SNX2: variants seen among roughly 807,000 people sequenced by gnomAD.
SNX2 encodes the protein sorting nexin-2.
A neutral mutation model predicts 69.9 loss-of-function variants in SNX2; 25 were observed. The ratio of observed to expected loss-of-function variants is 0.36; its 90% CI spans 0.26 to 0.50. The LOEUF is 0.50. SNX2 is among the 20% of genes least tolerant of loss of function. The probability of loss-of-function intolerance (pLI) is 0.97; values close to 1 mark genes in which losing one functional copy is unlikely to be tolerated. For synonymous variants in SNX2, 229 were observed against 200.4 expected, an observed-to-expected ratio of 1.14 and a Z score of -1.20; for missense variants, 551 against 613.3, an observed-to-expected ratio of 0.90 and a Z score of 1.07.
At chr5:122,806,142 G>GCGCGCACACACACACACA in intron 6 of SNX2, among the ~76,000 whole-genome samples, 1 of 130,584 alleles carries the variant, frequency 7.7e-6, no homozygotes, top group African/African-American at 2.9e-5. Flanking sequence ...ACACGCGCGC[G>GCGCGCACACACACACACA]CACACACACA....
At chr5:122,794,137 C>G (rs1753319011) in intron 1 of SNX2, among the ~76,000 whole-genome samples, 1 of 151,774 alleles carries the variant, frequency 6.6e-6, no homozygotes, top group South Asian at 2.1e-4. Flanking sequence ...ATGGTGAAAC[C>G]CTGTCTCTAC....
Position 122,826,180 on chromosome 5 carries a change from A to C in SNX2, c.1343A>C (p.Asn448Thr). 1 of 1,612,506 alleles carries C rather than the reference A, an allele frequency of 6.2e-7. No homozygotes were observed. The highest frequency in any genetic ancestry group is 1.3e-5 in the African/African-American group (1 of 75,012). Residue 448 changes from asparagine (N) to threonine (T), a missense_variant, in exon 12 of 15, where the codon AAT (asparagine) becomes ACT (threonine). Coordinates refer to ENST00000379516, the MANE Select transcript of SNX2 (RefSeq NM_003100.4). Reference sequence around the variant, plus strand: ...CCAGATAAAATACAGCAAGCTAAAAATGAAATAAGAGAGGTGATTACTAAA... The same window carrying C: ...CCAGATAAAATACAGCAAGCTAAAACTGAAATAAGAGAGGTGATTACTAAA... ...NKPDKIQQAK[N>T]EIREWEAKVQ...
intron 1 of SNX2, among the ~76,000 whole-genome samples, chr5:122,787,689 A>G (rs1463269829): frequency 6.6e-6 from 1 of 152,096 alleles, no homozygotes; most frequent in Non-Finnish European, 1.5e-5. Flanking sequence ...ACTGCCCCAC[A>G]TCATTCCCAT....
intron 6 of SNX2, among the ~76,000 whole-genome samples, chr5:122,806,142 G>GCACACGCACACACACACA (rs1554063176): frequency 1.5e-5 from 2 of 130,584 alleles, no homozygotes; most frequent in Admixed American, 7.6e-5. Context: ...ACACGCGCGC[G>GCACACGCACACACACACA]CACACACACA....
chr5:122,806,136 G>GCC (rs1218671336), intron 6 of SNX2, among the ~76,000 whole-genome samples: 2 of 19,190 alleles, frequency 1.0e-4, no homozygotes, highest in Admixed American at 6.2e-4. Flanking sequence ...ATATACACAC[G>GCC]CGCGCGCACA....
At chr5:122,817,440 T>C in intron 10 of SNX2, 67 bp downstream of exon 10, 1 of 1,008,008 alleles carries the variant, frequency 9.9e-7, no homozygotes, top group Non-Finnish European at 1.4e-6. Flanking sequence ...ATTTAAATTT[T>C]ATGAAAATAA....
rs535782372 is a variant in SNX2 at position 122,775,182 on chromosome 5, C to T, written c.79C>T (p.Leu27=). Residue 27 remains leucine (L), a synonymous_variant, in exon 1 of 15, where the codon CTG becomes TTG. Transcript: ENST00000379516. ...TGAGGATCTGGAGGACGGAGAGGAC[C>T]TGTTCACCAGCACTGTCTCCACCCT... ...DFEDLEDGED[L]FTSTVSTLES... 74 of 1,592,292 alleles carry T rather than the reference C, an allele frequency of 4.6e-5. No homozygotes were observed. In the South Asian group the frequency reaches 7.5e-4, roughly 16 times the overall value.
chr5:122,795,094 TAA>T (rs1478788894), intron 1 of SNX2, among the ~76,000 whole-genome samples, 170 bp from the exon 2 acceptor site: 1 of 152,206 alleles, frequency 6.6e-6, no homozygotes, highest in Non-Finnish European at 1.5e-5. Context: ...GATGATGAGT[TAA>T]AAGTGTGTTA....
At chr5:122,782,934 G>GTTTTTGT (rs895525427) in intron 1 of SNX2, among the ~76,000 whole-genome samples, 1 of 151,556 alleles carries the variant, frequency 6.6e-6, no homozygotes, top group Admixed American at 6.6e-5. Context: ...TTGTTTCTTT[G>GTTTTTGT]TTTTTGTTTT....
intron 1 of SNX2, among the ~76,000 whole-genome samples, chr5:122,791,706 C>T (rs192937869): frequency 3.0e-4 from 46 of 152,330 alleles, no homozygotes; most frequent in Non-Finnish European, 2.8e-4. Flanking sequence ...CGTAAGCCAC[C>T]GCGCCTGGCC....
rs1261874442 is a variant in SNX2 at position 122,834,275 on chromosome 5, T to C, written c.*4627T>C. The stretch of plus-strand genomic sequence containing the variant: ...TTACTATCTAGTTTTTTAATGCACA[T>C]GAAGTAATTTAAAATGCTCTTCTTC... On this transcript the variant is annotated 3_prime_UTR_variant, in exon 15 of 15. Transcript: ENST00000379516. 6.6e-6 allele frequency: 1 copy of C among 152,208 alleles called. No homozygotes were observed. The highest frequency in any genetic ancestry group is 6.5e-5 in the Admixed American group (1 of 15,280). 9.4% of individuals were successfully genotyped at this position (152,208 alleles called of 1,614,324 possible). A position where few individuals can be genotyped will look rare whatever the true frequency, so the allele number is the denominator to read the frequency against.
chr5:122,828,854 C>T (rs958093728), intron 14 of SNX2, among the ~76,000 whole-genome samples: 1 of 152,158 alleles, frequency 6.6e-6, no homozygotes, highest in Non-Finnish European at 1.5e-5. Flanking sequence ...CGCAGCGGCT[C>T]ATGCCTGTAA....
intron 11 of SNX2, 49 bp downstream of exon 11, chr5:122,819,072 G>C (rs762343891): frequency 5.6e-6 from 8 of 1,439,028 alleles, no homozygotes; most frequent in Non-Finnish European, 7.7e-6. Flanking sequence ...ACTTTAAAAA[G>C]TATTTTGTTT....
In SNX2 at chr5:122,799,926, G is replaced by T; in HGVS notation, c.390+71G>T. ...TTTCCCCACCCAACATCACTCTGCT[G>T]TTAGTCATTTCTAATCAAAGCCTTT... On this transcript the variant is annotated intron_variant, in intron 3 of 14. Transcript: ENST00000379516. The T allele has an allele frequency of 2.5e-6, 3 of 1,198,286 alleles. No homozygotes were observed. In the South Asian group the frequency reaches 4.7e-5, roughly 19 times the overall value. 74.2% of individuals were successfully genotyped at this position (1,198,286 alleles called of 1,614,324 possible). A position where few individuals can be genotyped will look rare whatever the true frequency, so the allele number is the denominator to read the frequency against.
chr5:122,802,987 C>T (rs891036613), intron 5 of SNX2, among the ~76,000 whole-genome samples: 9 of 152,122 alleles, frequency 5.9e-5, no homozygotes, highest in African/African-American at 2.2e-4. Flanking sequence ...GTTGTTAATT[C>T]ATTGGATAAA....
chr5:122,812,697 C>G (rs1753807658), intron 7 of SNX2, among the ~76,000 whole-genome samples: 1 of 152,132 alleles, frequency 6.6e-6, no homozygotes, highest in South Asian at 2.1e-4. Flanking sequence ...AAAATGTAAG[C>G]TTCACCAGGG....
chr5:122,775,087 C>T lies in SNX2; in HGVS notation c.-17C>T, dbSNP rs373589852. 31 of 1,572,354 alleles carry T rather than the reference C, an allele frequency of 2.0e-5. No homozygotes were observed. The highest frequency in any genetic ancestry group is 1.7e-4 in the Middle Eastern group (1 of 6,010). On this transcript the variant is annotated 5_prime_UTR_variant, in exon 1 of 15. Transcript: ENST00000379516. Reference sequence around the variant, plus strand: ...GTCCGCGAGGCCCAGCTCGCGCAGTCGTTCGGGTGAGCGAAGATGGCGGCC... The same window carrying T: ...GTCCGCGAGGCCCAGCTCGCGCAGTTGTTCGGGTGAGCGAAGATGGCGGCC...
rs1042649059 is a variant in SNX2 at position 122,833,974 on chromosome 5, A to C, written c.*4326A>C. The stretch of plus-strand genomic sequence containing the variant: ...TGAATTGTAGTACTATATTGCTTGA[A>C]GGAAGTTTATAACCTGTCTAGAACA... On this transcript the variant is annotated 3_prime_UTR_variant, in exon 15 of 15. Transcript: ENST00000379516. 6.6e-6 allele frequency: 1 copy of C among 152,226 alleles called. No individual in the cohort carries two copies. The highest frequency in any genetic ancestry group is 1.5e-5 in the Non-Finnish European group (1 of 68,034). 9.4% of individuals were successfully genotyped at this position (152,226 alleles called of 1,614,324 possible).
intron 1 of SNX2, 29 bp from the exon 2 acceptor site, chr5:122,795,237 C>T (rs1417789146): frequency 1.5e-6 from 2 of 1,374,246 alleles, no homozygotes; most frequent in East Asian, 2.3e-5. Flanking sequence ...CATGCCAATC[C>T]ATTACCTATT....
Sources: gnomAD v4.1 joint callset for allele counts (sites outside exome capture counted in the v4.1 genomes callset) on GRCh38, gnomAD v4.1.1 for gene constraint, MANE v1.5 for transcripts, NCBI Gene and HGNC (gene_info 2026-07-23, HGNC 2026-07-21) for gene names.